The following ERBIN variants were observed in gnomAD, a reference collection of about 807,000 sequenced individuals.
ERBIN encodes erbb2 interacting protein, also known as densin-180-like protein.
In ERBIN, 60 loss-of-function variants were observed where a neutral mutation model predicts 158.4. That is an observed-to-expected ratio of 0.38 (90% CI 0.31 to 0.47). ERBIN has a LOEUF of 0.47. Ranked by LOEUF, ERBIN falls within the 20% of genes least tolerant of loss-of-function variation. The pLI is 0.99. For synonymous variants in ERBIN, 594 were observed against 557.2 expected, an observed-to-expected ratio of 1.07 and a Z score of -0.93; for missense variants, 1,610 against 1,648.0, an observed-to-expected ratio of 0.98 and a Z score of 0.40.
intron 1 of ERBIN, among the ~76,000 whole-genome samples, chr5:65,965,752 C>T (rs149506582): frequency 6.6e-6 from 1 of 152,300 alleles, no homozygotes; most frequent in African/African-American, 2.4e-5. Context: ...TCTGAAGTTG[C>T]TCTTCCTCTG....
intron 21 of ERBIN, among the ~76,000 whole-genome samples, chr5:66,056,740 C>T (rs1051379642): frequency 1.3e-5 from 2 of 152,052 alleles, no homozygotes; most frequent in Non-Finnish European, 2.9e-5. Context: ...CCTGATAACT[C>T]CCATTTTCAA....
chr5:66,065,175 A>G (rs1474731223), intron 21 of ERBIN, among the ~76,000 whole-genome samples: 4 of 152,244 alleles, frequency 2.6e-5, no homozygotes, highest in Non-Finnish European at 4.4e-5. Context: ...TTAGTGATGC[A>G]AATTTGAGAT....
chr5:65,998,964 A>C (rs546607396), intron 4 of ERBIN, among the ~76,000 whole-genome samples: 1 of 151,950 alleles, frequency 6.6e-6, no homozygotes, highest in African/African-American at 2.4e-5. Context: ...AAGAACACAC[A>C]TGGCTCCACC....
intron 15 of ERBIN, among the ~76,000 whole-genome samples, chr5:66,038,951 G>T (rs16894772): frequency 6.6e-6 from 1 of 151,792 alleles, no homozygotes; most frequent in Non-Finnish European, 1.5e-5. Flanking sequence ...GGGCACAGAT[G>T]TTTTTATAGA....
At position 65,983,037 on chromosome 5, in the gene ERBIN, T is replaced by C. The variant is rs1049935956; in HGVS notation, c.-57-5598T>C. Among the ~76,000 whole-genome samples the C allele has an allele frequency of 3.9e-5, 6 of 152,334 alleles. No homozygotes were observed. The East Asian group carries it at 1.2e-3, about 29-fold the overall frequency. ...TAGAATGTGTTCATTATGTAAATTG[T>C]ATCTAAAAATATAAAAATGGAAAAT... On this transcript the variant is annotated intron_variant, in intron 1 of 25. Coordinates refer to ENST00000284037, the MANE Select transcript of ERBIN (RefSeq NM_001253697.2).
chr5:66,032,150 C>CG (rs1382926184), intron 14 of ERBIN, among the ~76,000 whole-genome samples: 4 of 152,070 alleles, frequency 2.6e-5, no homozygotes, highest in Non-Finnish European at 1.5e-5. Context: ...AACAGTGAGA[C>CG]GGAAAAGGTA....
At chr5:66,015,953 C>A (rs1754668832) in intron 7 of ERBIN, among the ~76,000 whole-genome samples, 1 of 152,180 alleles carries the variant, frequency 6.6e-6, no homozygotes, top group Non-Finnish European at 1.5e-5. Context: ...ACAGTATTTG[C>A]TGGATAATGT....
At chr5:66,074,673 A>G (rs573470770) in intron 22 of ERBIN, among the ~76,000 whole-genome samples, 1 of 152,202 alleles carries the variant, frequency 6.6e-6, no homozygotes, top group African/African-American at 2.4e-5. Context: ...ATTTTGGTAT[A>G]CTATGTGCCA....
chr5:66,004,446 T>A (rs1335618757), intron 4 of ERBIN, among the ~76,000 whole-genome samples: 1 of 152,224 alleles, frequency 6.6e-6, no homozygotes, highest in East Asian at 1.9e-4. Context: ...TCACCCAGGC[T>A]GCAGTACAGT....
intron 4 of ERBIN, among the ~76,000 whole-genome samples, chr5:66,004,755 A>G (rs1753405345): frequency 6.6e-6 from 1 of 152,182 alleles, no homozygotes; most frequent in Non-Finnish European, 1.5e-5. Flanking sequence ...AGAGTAGGTA[A>G]CACAGTTGTT....
At chr5:65,965,905 C>A (rs1580184588) in intron 1 of ERBIN, among the ~76,000 whole-genome samples, 1 of 152,186 alleles carries the variant, frequency 6.6e-6, no homozygotes, top group African/African-American at 2.4e-5. Context: ...ATGCCTGTAT[C>A]CTCTTGATAA....
rs10075359 is a variant in ERBIN, at chr5:66,020,861, G to A, written c.534-461G>A. 3.9e-5 allele frequency among the ~76,000 whole-genome samples: 6 copies of A among 151,968 alleles called. No homozygotes were observed. The South Asian group carries it at 8.3e-4, about 21-fold the overall frequency. On this transcript the variant is annotated intron_variant, in intron 7 of 25. Coordinates refer to ENST00000284037, the MANE Select transcript of ERBIN (RefSeq NM_001253697.2). Reference sequence around the variant, plus strand: ...TTGAACATGTGGGGAGTAATACAACGTACTGTTAGCATTTTGAATATTAAT... The same window carrying A: ...TTGAACATGTGGGGAGTAATACAACATACTGTTAGCATTTTGAATATTAAT...
chr5:66,037,123 A>G (rs747654252), intron 14 of ERBIN, among the ~76,000 whole-genome samples: 9 of 152,004 alleles, frequency 5.9e-5, no homozygotes, highest in African/African-American at 1.9e-4. Context: ...AAGGGGGCTT[A>G]TTTTTTTCTT....
intron 1 of ERBIN, among the ~76,000 whole-genome samples, chr5:65,971,125 G>A (rs1473341211): frequency 6.6e-6 from 1 of 152,102 alleles, no homozygotes; most frequent in East Asian, 1.9e-4. Context: ...ACCTTTTTGT[G>A]CCCAGGAAGT....
rs531903361 is a variant in ERBIN at position 66,011,698 on chromosome 5, A to T, written c.308-351A>T. Among the ~76,000 whole-genome samples the T allele has an allele frequency of 1.5e-4, 22 of 151,660 alleles. No individual in the cohort carries two copies. In the South Asian group the frequency reaches 4.1e-3, roughly 29 times the overall value. ...CAAGACTCCCTCTTAAAAACAAATA[A>T]AAATAATGAAAAACGGTCCTTTTTT... is the stretch of plus-strand genomic sequence containing the variant. On this transcript the variant is annotated intron_variant, in intron 4 of 25. Coordinates refer to ENST00000284037, the MANE Select transcript of ERBIN (RefSeq NM_001253697.2).
intron 4 of ERBIN, among the ~76,000 whole-genome samples, chr5:66,002,807 GT>G (rs1167084252): frequency 1.3e-5 from 2 of 152,214 alleles, no homozygotes; most frequent in African/African-American, 2.4e-5. Context: ...GTTATGGTAT[GT>G]TGCTCTTGTG....
chr5:65,957,681 C>G (rs544908649), intron 1 of ERBIN, among the ~76,000 whole-genome samples: 1 of 152,140 alleles, frequency 6.6e-6, no homozygotes, highest in South Asian at 2.1e-4. Flanking sequence ...CTTTTCTATT[C>G]GACAAAACCG....
Position 66,081,079 on chromosome 5 carries a change from A to G in ERBIN, c.*2549A>G, listed in dbSNP as rs1762365113. The G allele has an allele frequency of 6.6e-6, 1 of 152,022 alleles. No individual in the cohort carries two copies. Among genetic ancestry groups the G allele is most frequent in the Non-Finnish European group, 1.5e-5 (1 of 67,866 alleles). 9.4% of individuals were successfully genotyped at this position (152,022 alleles called of 1,614,324 possible). ...GTTGAGTAAATTGTAGTTAAGGCCT[A>G]TACCCATAACTAACTTTAGTAAGTA... is the stretch of plus-strand genomic sequence containing the variant. On this transcript the variant is annotated 3_prime_UTR_variant, in exon 26 of 26. Coordinates refer to ENST00000284037, the MANE Select transcript of ERBIN (RefSeq NM_001253697.2).
chr5:66,052,468 C>T (rs1230939579), intron 20 of ERBIN, among the ~76,000 whole-genome samples: 1 of 151,812 alleles, frequency 6.6e-6, no homozygotes, highest in Non-Finnish European at 1.5e-5. Flanking sequence ...TTTATAACCT[C>T]CTAGATATTA....
Sources: allele counts gnomAD v4.1 joint callset (sites outside exome capture counted in the v4.1 genomes callset), GRCh38; gene constraint gnomAD v4.1.1; transcripts MANE v1.5; gene names NCBI Gene and HGNC (gene_info 2026-07-23, HGNC 2026-07-21).